KATNIP: variants seen among roughly 807,000 people sequenced by gnomAD.
The protein encoded by KATNIP is katanin-interacting protein.
KATNIP carries 126 observed loss-of-function variants against 174.0 expected under a neutral mutation model. The ratio of observed to expected loss-of-function variants is 0.72; its 90% confidence interval spans 0.63 to 0.84. The LOEUF (loss-of-function observed/expected upper bound fraction) is 0.84, where lower values mean the gene tolerates loss of function less well. Among genes scored for constraint, KATNIP ranks in the 40% least tolerant of loss-of-function variants. The pLI, the probability that KATNIP is intolerant of heterozygous loss-of-function variation, is 0.00. For synonymous variants in KATNIP, 810 were observed against 835.7 expected, an observed-to-expected ratio of 0.97 and a Z score of 0.53; for missense variants, 1,958 against 2,109.7, an observed-to-expected ratio of 0.93 and a Z score of 1.41.
chr16:27,692,069 C>T (rs2078754238), intron 8 of KATNIP, among the ~76,000 whole-genome samples: 1 of 152,182 alleles, frequency 6.6e-6, no homozygotes, highest in Non-Finnish European at 1.5e-5. Flanking sequence ...AGGGTCACCA[C>T]ATGGTTCTTT....
Position 27,637,082 on chromosome 16 carries a change from G to T in KATNIP, c.408+5920G>T, listed in dbSNP as rs952524409. 1.3e-5 allele frequency among the ~76,000 whole-genome samples: 2 copies of T among 152,246 alleles called. No individual in the cohort carries two copies. The highest frequency in any genetic ancestry group is 4.8e-5 in the African/African-American group (2 of 41,470). ...TGTGAGGTTGGTAATGGTAATTAAT[G>T]AGGGCAATTAATGAGGATCAGTGGG... On this transcript the variant is annotated intron_variant, in intron 5 of 27. Coordinates refer to ENST00000261588, the MANE Select transcript of KATNIP (RefSeq NM_015202.5). The surrounding 1 kb of genome is among the most constrained non-coding windows in gnomAD (Gnocchi z 4.7).
chr16:27,759,642 G>T lies in KATNIP; in HGVS notation c.3632-1771G>T, dbSNP rs146278557. On this transcript the variant is annotated intron_variant, in intron 18 of 27. Coordinates refer to ENST00000261588, the MANE Select transcript of KATNIP (RefSeq NM_015202.5). ...CTTCACCCACCCGTCTGGCAGTGGG[G>T]AGGCTGCTGGCCAGAGAGACAGGTG... 1.8e-4 allele frequency among the ~76,000 whole-genome samples: 28 copies of T among 152,318 alleles called. 1 individual carries two copies. The East Asian group carries it at 4.4e-3, about 24-fold the overall frequency.
At chr16:27,606,313 C>T (rs1422712083) in intron 2 of KATNIP, among the ~76,000 whole-genome samples, 1 of 152,116 alleles carries the variant, frequency 6.6e-6, no homozygotes, top group Non-Finnish European at 1.5e-5. Flanking sequence ...ATCATCTCTT[C>T]TTGTGGGCTT....
At chr16:27,773,257 A>G (rs781562872) in intron 23 of KATNIP, 48 bp downstream of exon 23, 34 of 1,339,136 alleles carry the variant, frequency 2.5e-5, no homozygotes, top group Non-Finnish European at 3.1e-5. Flanking sequence ...TGAAGGGAGC[A>G]TGGGAGGGTC....
At chr16:27,738,679 G>A (rs905114623) in intron 14 of KATNIP, among the ~76,000 whole-genome samples, 2 of 152,168 alleles carry the variant, frequency 1.3e-5, no homozygotes, top group Non-Finnish European at 2.9e-5. Flanking sequence ...TCTGCACCCC[G>A]TCGTGTGAAG....
At chr16:27,693,385 AT>A (rs1259995235) in intron 8 of KATNIP, among the ~76,000 whole-genome samples, 16 of 151,752 alleles carry the variant, frequency 1.1e-4, no homozygotes, top group Admixed American at 9.2e-4. Context: ...GGCCCACTTG[AT>A]TTTTTCTTTT....
intron 2 of KATNIP, among the ~76,000 whole-genome samples, chr16:27,612,840 T>C (rs2075933691): frequency 6.6e-6 from 1 of 151,898 alleles, no homozygotes; most frequent in Non-Finnish European, 1.5e-5. Context: ...GCAGGCACGG[T>C]GCTACATGCC....
intron 2 of KATNIP, among the ~76,000 whole-genome samples, chr16:27,600,751 C>T (rs1465803844): frequency 7.4e-5 from 11 of 148,360 alleles, no homozygotes; most frequent in Non-Finnish European, 1.3e-4. Context: ...TTTTTTTAGA[C>T]GGAGTTTTAA....
chr16:27,706,764 C>T (rs1247295379), intron 12 of KATNIP, among the ~76,000 whole-genome samples: 1 of 152,226 alleles, frequency 6.6e-6, no homozygotes, highest in African/African-American at 2.4e-5. Context: ...GTCCTCCTGC[C>T]TCCCACCAAC....
At chr16:27,758,250 C>T (rs1035536969) in intron 18 of KATNIP, among the ~76,000 whole-genome samples, 1 of 152,214 alleles carries the variant, frequency 6.6e-6, no homozygotes, top group African/African-American at 2.4e-5. Context: ...ACCTGTGGCC[C>T]TTCTGTCTCA....
intron 14 of KATNIP, among the ~76,000 whole-genome samples, chr16:27,725,575 C>T (rs1185148208): frequency 2.6e-5 from 4 of 152,186 alleles, no homozygotes; most frequent in African/African-American, 9.7e-5. Flanking sequence ...ATTTGAGGTC[C>T]GCTTGTCTTT....
intron 1 of KATNIP, among the ~76,000 whole-genome samples, chr16:27,566,868 A>G (rs1286650608): frequency 6.6e-6 from 1 of 152,210 alleles, no homozygotes; most frequent in East Asian, 1.9e-4. Flanking sequence ...TCAGATCGTC[A>G]GACAACCCAT....
chr16:27,640,197 ATCC>A (rs2142248455), intron 5 of KATNIP, among the ~76,000 whole-genome samples: 1 of 152,296 alleles, frequency 6.6e-6, no homozygotes, highest in African/African-American at 2.4e-5. Flanking sequence ...CTGCTTTTAA[ATCC>A]TCCTCCCCCA....
At chr16:27,644,869 C>T (rs1597043085) in intron 5 of KATNIP, among the ~76,000 whole-genome samples, 1 of 152,150 alleles carries the variant, frequency 6.6e-6, no homozygotes. Flanking sequence ...ACTCTGTGTC[C>T]TGTTCTATCT....
At chr16:27,567,828 G>C (rs1171375596) in intron 1 of KATNIP, among the ~76,000 whole-genome samples, 1 of 152,126 alleles carries the variant, frequency 6.6e-6, no homozygotes, top group Non-Finnish European at 1.5e-5. Context: ...GCACCCAGTG[G>C]TGGCACACCC....
At chr16:27,750,335 G>T (rs763805453) in intron 16 of KATNIP, 29 bp downstream of exon 16, 19 of 1,577,460 alleles carry the variant, frequency 1.2e-5, no homozygotes, top group Non-Finnish European at 1.0e-5. Context: ...AATTTTCTCA[G>T]AGCCCCTATC....
chr16:27,699,644 G>C, intron 10 of KATNIP, 45 bp downstream of exon 10: 1 of 1,612,294 alleles, frequency 6.2e-7, no homozygotes. Context: ...ACGCATGTGC[G>C]TAGCTCCCGA....
intron 2 of KATNIP, among the ~76,000 whole-genome samples, chr16:27,608,986 G>T (rs1379760287): frequency 6.6e-6 from 1 of 152,092 alleles, no homozygotes; most frequent in East Asian, 1.9e-4. Context: ...GCATCCTCTG[G>T]CCCGTCCATG....
rs1261913493 is a variant in KATNIP, at chr16:27,740,589, G to C, written c.2292G>C (p.Arg764Ser). The change falls in exon 15 of 28, where the codon AGG (arginine) becomes AGC (serine). Residue 764 changes from arginine (R) to serine (S), a missense_variant. This residue lies in a region of KATNIP where 1,557 missense variants were observed against 1,617.8 expected (regional missense o/e 0.96). Transcript: ENST00000261588. ...WLQPSPTGKD[R>S]KQGGRKPKPL... ...AACCTTCTCCCACCGGCAAGGACAG[G>C]AAGCAGGGAGGCAGGAAGCCAAAAC... is the stretch of plus-strand genomic sequence containing the variant. 1 of 1,614,092 alleles carries C rather than the reference G, an allele frequency of 6.2e-7. No individual in the cohort carries two copies. Among genetic ancestry groups the C allele is most frequent in the African/African-American group, 1.3e-5 (1 of 74,944 alleles).
Sources: gnomAD v4.1 joint callset for allele counts (sites outside exome capture counted in the v4.1 genomes callset) on GRCh38, gnomAD v4.1.1 for gene constraint, gnomAD v4.1.1 regional missense constraint, Gnocchi (gnomAD v3.1) non-coding constraint, MANE v1.5 for transcripts, NCBI Gene and HGNC (gene_info 2026-07-23, HGNC 2026-07-21) for gene names.